Variants in IGFBPL1 observed in about 807,000 individuals in gnomAD.
IGFBPL1 encodes insulin like growth factor binding protein like 1.
A neutral mutation model predicts 23.9 loss-of-function variants in IGFBPL1; 20 were observed. The ratio of observed to expected loss-of-function variants is 0.84; its 90% confidence interval spans 0.59 to 1.22. IGFBPL1 has a LOEUF of 1.22. Among genes scored for constraint, IGFBPL1 ranks in the 50% most tolerant of loss-of-function variants. The pLI, the probability that IGFBPL1 is intolerant of heterozygous loss-of-function variation, is 0.00. For synonymous variants in IGFBPL1, 184 were observed against 171.8 expected, an observed-to-expected ratio of 1.07 and a Z score of -0.56; for missense variants, 436 against 379.3, an observed-to-expected ratio of 1.15 and a Z score of -1.24.
chr9:38,418,088 C>T (rs1319533906), intron 1 of IGFBPL1, among the ~76,000 whole-genome samples: 1 of 152,190 alleles, frequency 6.6e-6, no homozygotes, highest in East Asian at 1.9e-4. Context: ...CAAACATCAC[C>T]CCCAGGGAAC....
rs1323665232 is a variant in IGFBPL1 at position 38,407,259 on chromosome 9, T to C, written c.*1968A>G. ...TCATCTTTTGTTTTCAAAGAGAGCT[T>C]CCAGTGTTTTAAAGTTTGAAAACCA... On this transcript the variant is annotated 3_prime_UTR_variant, in exon 5 of 5. Transcript: ENST00000377694. Among the ~76,000 whole-genome samples, 1 of 152,214 alleles carries C rather than the reference T, an allele frequency of 6.6e-6. No individual in the cohort carries two copies. The highest frequency in any genetic ancestry group is 1.9e-4 in the East Asian group (1 of 5,200).
Position 38,414,104 on chromosome 9 carries a change from G to T in IGFBPL1, c.560C>A (p.Thr187Lys). The change falls in exon 2 of 5, where the codon ACG (threonine) becomes AAG (lysine). Residue 187 changes from threonine (T) to lysine (K), a missense_variant. Thr to Lys is a moderately conservative substitution (Grantham distance 78). Transcript: ENST00000377694. ...EVRAVPTPVI[T>K]WRKVTKSPEG... is the part of the protein sequence containing the mutation. ...CTTGGACAGAAATACCTTTCTCCACGTGATGACTGGGGTAGGCACAGCCCT... is the reference window on the plus strand; with the variant it reads ...CTTGGACAGAAATACCTTTCTCCACTTGATGACTGGGGTAGGCACAGCCCT... 2 of 1,601,058 alleles carry T rather than the reference G, an allele frequency of 1.2e-6. No individual in the cohort carries two copies. Among genetic ancestry groups the T allele is most frequent in the Non-Finnish European group, 1.7e-6 (2 of 1,171,510 alleles).
chr9:38,411,126 CA>C (rs1170127147), intron 4 of IGFBPL1, among the ~76,000 whole-genome samples: 1 of 151,888 alleles, frequency 6.6e-6, no homozygotes, highest in East Asian at 1.9e-4. Context: ...CCTCCAGCCC[CA>C]AAACACAACT....
chr9:38,409,263 C>T (rs1003107815), intron 4 of IGFBPL1, 46 bp from the exon 5 acceptor site: 29 of 152,272 alleles, frequency 1.9e-4, no homozygotes, highest in African/African-American at 6.0e-4. Context: ...AAGCCTGCTC[C>T]GTTACAATCA....
intron 4 of IGFBPL1, among the ~76,000 whole-genome samples, 153 bp downstream of exon 4, chr9:38,411,238 C>G (rs1403314161): frequency 6.6e-6 from 1 of 151,900 alleles, no homozygotes; most frequent in Non-Finnish European, 1.5e-5. Context: ...AGGGATTCTA[C>G]TGCTCATCTA....
chr9:38,414,795 G>A (rs903276322), intron 1 of IGFBPL1, among the ~76,000 whole-genome samples: 1 of 152,156 alleles, frequency 6.6e-6, no homozygotes, highest in Admixed American at 6.5e-5. Flanking sequence ...GCCGACCCAA[G>A]CCTGGGCAAA....
intron 3 of IGFBPL1, 57 bp downstream of exon 3, chr9:38,413,180 T>C: frequency 8.8e-7 from 1 of 1,130,838 alleles, no homozygotes; most frequent in Non-Finnish European, 1.3e-6. Context: ...GTTGTAGAAA[T>C]ATAAAGGATG....
At chr9:38,419,866 T>TCCA (rs1563920720) in intron 1 of IGFBPL1, among the ~76,000 whole-genome samples, 2 of 60,210 alleles carry the variant, frequency 3.3e-5, no homozygotes, top group Admixed American at 3.4e-4. Flanking sequence ...CTCCTCCCCC[T>TCCA]CCTCCTCCTC....
chr9:38,414,227 G>A (rs770437493), intron 1 of IGFBPL1, 24 bp from the exon 2 acceptor site: 15 of 1,469,504 alleles, frequency 1.0e-5, no homozygotes, highest in South Asian at 2.5e-5. Flanking sequence ...ACAAGGAGAC[G>A]CAGCCTTTAC....
chr9:38,414,564 C>T (rs769133235), intron 1 of IGFBPL1, among the ~76,000 whole-genome samples: 12 of 152,180 alleles, frequency 7.9e-5, no homozygotes, highest in Admixed American at 1.3e-4. Context: ...CGGCAGCCGA[C>T]TCCTAGAGGG....
At chr9:38,420,879 GC>G (rs1434078476) in intron 1 of IGFBPL1, among the ~76,000 whole-genome samples, 8 of 152,090 alleles carry the variant, frequency 5.3e-5, no homozygotes, top group Non-Finnish European at 7.4e-5. Context: ...CTACACTGGA[GC>G]CCTTTCACAG....
chr9:38,417,694 A>T (rs893035099), intron 1 of IGFBPL1, among the ~76,000 whole-genome samples: 1 of 152,202 alleles, frequency 6.6e-6, no homozygotes, highest in Admixed American at 6.5e-5. Flanking sequence ...CAAGGGAAAA[A>T]GTCAGGGTTG....
chr9:38,408,049 ACCTGACC>A lies in IGFBPL1; in HGVS notation c.*1171_*1177del, dbSNP rs969487920. Among the ~76,000 whole-genome samples the A allele has an allele frequency of 6.6e-6, 1 of 152,014 alleles. No homozygotes were observed. The highest frequency in any genetic ancestry group is 1.5e-5 in the Non-Finnish European group (1 of 68,010). ...TCTAATTCCACAGTCTGGAGATAAC[ACCTGACC>A]CCTTTTTTTACAATTTGATCGTCAG... is the stretch of plus-strand genomic sequence containing the variant. On this transcript the variant is annotated 3_prime_UTR_variant, in exon 5 of 5. Coordinates refer to ENST00000377694, the MANE Select transcript of IGFBPL1 (RefSeq NM_001007563.3).
At chr9:38,417,935 C>T (rs1274857972) in intron 1 of IGFBPL1, among the ~76,000 whole-genome samples, 1 of 152,152 alleles carries the variant, frequency 6.6e-6, no homozygotes, top group Non-Finnish European at 1.5e-5. Context: ...GAGCCACTCT[C>T]ATCAATTCTG....
intron 1 of IGFBPL1, among the ~76,000 whole-genome samples, chr9:38,422,184 G>A (rs1821689803): frequency 6.6e-6 from 1 of 152,200 alleles, no homozygotes; most frequent in Non-Finnish European, 1.5e-5. Context: ...AGGGTGTTGG[G>A]ACCAGGGAGC....
intron 1 of IGFBPL1, among the ~76,000 whole-genome samples, chr9:38,415,811 C>T (rs1821593009): frequency 6.6e-6 from 1 of 152,132 alleles, no homozygotes; most frequent in Non-Finnish European, 1.5e-5. Context: ...GCCCCATAGC[C>T]CCTGGGTGTC....
chr9:38,416,184 ACAGT>A (rs1366464316), intron 1 of IGFBPL1, among the ~76,000 whole-genome samples: 4 of 152,232 alleles, frequency 2.6e-5, no homozygotes, highest in African/African-American at 9.6e-5. Context: ...CGCTGTGGTG[ACAGT>A]CAGAAAGACC....
chr9:38,424,398 C>A lies in IGFBPL1; in HGVS notation c.27G>T (p.Pro9=). The change falls in exon 1 of 5, where the codon CCG becomes CCT. Residue 9 remains proline, a synonymous_variant. Transcript: ENST00000377694. The stretch of plus-strand genomic sequence containing the variant: ...GCGGCAGCAGCAGCAGAAGCAGCAG[C>A]GGCAAGAGCAGAGACAAGCGCGGCA... MPRLSLLL[P]LLLLLLLPLL... 1.6e-6 allele frequency: 1 copy of A among 634,814 alleles called. No homozygotes were observed. The highest frequency in any genetic ancestry group is 2.6e-5 in the Admixed American group (1 of 37,928). The allele number at this position is 634,814 out of a possible 1,614,324, so 39.3% of individuals were successfully genotyped here. A position where few individuals can be genotyped will look rare whatever the true frequency, so the allele number is the denominator to read the frequency against.
rs1321841091 is a variant in IGFBPL1, at chr9:38,406,583, C to A, written c.*2644G>T. Among the ~76,000 whole-genome samples, 1 of 152,112 alleles carries A rather than the reference C, an allele frequency of 6.6e-6. No homozygotes were observed. The highest frequency in any genetic ancestry group is 1.5e-5 in the Non-Finnish European group (1 of 68,026). ...TGCAGGGGTCGTGACATCATGACAT[C>A]TACAAAAACGGTAGAAAAACCCAGG... On this transcript the variant is annotated 3_prime_UTR_variant, in exon 5 of 5. Transcript: ENST00000377694.
Sources: allele counts gnomAD v4.1 joint callset (sites outside exome capture counted in the v4.1 genomes callset), GRCh38; gene constraint gnomAD v4.1.1; transcripts MANE v1.5; gene names NCBI Gene and HGNC (gene_info 2026-07-23, HGNC 2026-07-21).